Variants in PCDH15 observed in about 807,000 individuals in gnomAD.
The protein encoded by PCDH15 is protocadherin related 15.
In PCDH15, 129 loss-of-function variants were observed where a neutral mutation model predicts 178.5. The observed-to-expected ratio is 0.72, with a 90% CI of 0.63 to 0.84. The LOEUF is 0.84. Ranked by LOEUF, PCDH15 falls within the 40% of genes least tolerant of loss-of-function variation. PCDH15 has a pLI of 0.00. For missense variants in PCDH15, 2,230 were observed against 2,099.9 expected (o/e 1.06, Z -1.21); for synonymous variants, 800 against 732.0 (o/e 1.09, Z -1.50).
chr10:54,302,058 C>A (rs1485557167), intron 8 of PCDH15, among the ~76,000 whole-genome samples: 1 of 152,006 alleles, frequency 6.6e-6, no homozygotes, highest in Non-Finnish European at 1.5e-5. Context: ...AAATTCCCAT[C>A]AAAATCAACA....
At chr10:55,459,890 A>C (rs1839635850) in intron 2 of PCDH15, among the ~76,000 whole-genome samples, 1 of 152,092 alleles carries the variant, frequency 6.6e-6, no homozygotes. Flanking sequence ...ATATAACTAA[A>C]AAAAGAAAAT....
At position 54,410,878 on chromosome 10, in the gene PCDH15, C is replaced by T. The variant is rs562866301; in HGVS notation, c.158-31936G>A. Among the ~76,000 whole-genome samples, 71 of 110,584 alleles carry T rather than the reference C, an allele frequency of 6.4e-4. 1 individual carries two copies. In the South Asian group the frequency reaches 0.023, roughly 36 times the overall value. The allele number at this position is 110,584 out of a possible 152,430, so 72.5% of individuals were successfully genotyped here. On this transcript the variant is annotated intron_variant, in intron 3 of 37. Transcript: ENST00000644397. ...AAAAGAGAGAAGATAAGGACTCTGA[C>T]CGAGCTGGCATTGTTGAATAAGGGG...
rs556012529 is a variant in PCDH15 at position 54,545,574 on chromosome 10, G to A, written c.92-17697C>T. ...GGAGAGAAAGCAAGGAAGGAGGGAA[G>A]GAAGGAAGGAAGAGAAAGAAGACAA... On this transcript the variant is annotated intron_variant, in intron 2 of 37. Transcript: ENST00000644397. Among the ~76,000 whole-genome samples, 8 of 151,812 alleles carry A rather than the reference G, an allele frequency of 5.3e-5. 1 individual carries two copies. The highest frequency in any genetic ancestry group is 1.9e-4 in the African/African-American group (8 of 41,432).
chr10:54,153,066 A>G (rs778698911), intron 14 of PCDH15, 34 bp downstream of exon 14: 1 of 1,611,916 alleles, frequency 6.2e-7, no homozygotes, highest in East Asian at 2.2e-5. Flanking sequence ...AACGGGCCCG[A>G]TGAAAAGACT....
intron 2 of PCDH15, among the ~76,000 whole-genome samples, chr10:54,564,483 A>T (rs1326387701): frequency 6.6e-6 from 1 of 152,198 alleles, no homozygotes; most frequent in African/African-American, 2.4e-5. Context: ...GCTATCTCAA[A>T]TAAAATGTTC....
chr10:53,923,728 G>C (rs1248533945), intron 25 of PCDH15, among the ~76,000 whole-genome samples: 1 of 152,066 alleles, frequency 6.6e-6, no homozygotes, highest in Non-Finnish European at 1.5e-5. Context: ...AATTTTTCTG[G>C]AGTATCTGCA....
At chr10:54,698,674 A>G (rs1022810976) in intron 1 of PCDH15, among the ~76,000 whole-genome samples, 3 of 152,142 alleles carry the variant, frequency 2.0e-5, no homozygotes, top group Admixed American at 1.3e-4. Flanking sequence ...TATCACTTGT[A>G]AAATGAAGAT....
intron 1 of PCDH15, among the ~76,000 whole-genome samples, chr10:54,677,198 C>G (rs1041135912): frequency 4.6e-5 from 7 of 151,940 alleles, no homozygotes; most frequent in African/African-American, 1.7e-4. Flanking sequence ...GTAGCAAGAC[C>G]CAGTCTCTGC....
At chr10:53,823,237 G>A (rs1164349834) in intron 32 of PCDH15, 3 of 1,614,024 alleles carry the variant, frequency 1.9e-6, no homozygotes, top group African/African-American at 1.3e-5. Flanking sequence ...CCGTCTACAT[G>A]AGCTGACTTG....
chr10:54,051,939 G>A (rs1341258168), intron 18 of PCDH15, among the ~76,000 whole-genome samples: 1 of 152,198 alleles, frequency 6.6e-6, no homozygotes, highest in African/African-American at 2.4e-5. Flanking sequence ...TATAGGTCCA[G>A]GTGTTGCTTC....
chr10:55,196,744 A>C (rs1363366946), intron 1 of PCDH15, among the ~76,000 whole-genome samples: 2 of 152,048 alleles, frequency 1.3e-5, no homozygotes, highest in Non-Finnish European at 2.9e-5. Context: ...TATTTATGTA[A>C]AGAAAAATTT....
At chr10:54,661,159 C>T (rs146724767) in intron 2 of PCDH15, among the ~76,000 whole-genome samples, 1 of 151,994 alleles carries the variant, frequency 6.6e-6, no homozygotes, top group African/African-American at 2.4e-5. Context: ...ATATTTCCTC[C>T]AAAAGATTCT....
intron 2 of PCDH15, among the ~76,000 whole-genome samples, chr10:54,645,797 T>C (rs975667359): frequency 1.3e-5 from 2 of 152,120 alleles, no homozygotes; most frequent in African/African-American, 4.8e-5. Flanking sequence ...AAATTGAAAA[T>C]ATTATTATAA....
At chr10:54,240,707 C>CT (rs1175578031) in intron 8 of PCDH15, among the ~76,000 whole-genome samples, 1 of 142,926 alleles carries the variant, frequency 7.0e-6, no homozygotes, top group Non-Finnish European at 1.5e-5. Context: ...TCCCGGCTCA[C>CT]TGCAAGCTCC....
chr10:54,295,305 G>A (rs532731807), intron 8 of PCDH15, among the ~76,000 whole-genome samples: 49 of 152,164 alleles, frequency 3.2e-4, no homozygotes, highest in Non-Finnish European at 6.0e-4. Context: ...TCAATTCTCT[G>A]TAAAATGGAC....
chr10:54,860,217 G>A (rs1953815216), intron 3 of PCDH15, among the ~76,000 whole-genome samples: 1 of 152,040 alleles, frequency 6.6e-6, no homozygotes, highest in Admixed American at 6.6e-5. Context: ...GTGCATTGCT[G>A]AGGATTGTGG....
intron 8 of PCDH15, among the ~76,000 whole-genome samples, chr10:54,241,468 G>A (rs1398776989): frequency 6.6e-6 from 1 of 152,078 alleles, no homozygotes. Context: ...TATCTTATTT[G>A]TACTTACAAC....
intron 20 of PCDH15, among the ~76,000 whole-genome samples, chr10:54,008,910 G>A (rs943381699): frequency 2.0e-5 from 3 of 152,022 alleles, no homozygotes; most frequent in Admixed American, 2.0e-4. Context: ...TTTTTCATCT[G>A]CTTACATATT....
intron 2 of PCDH15, among the ~76,000 whole-genome samples, chr10:55,442,481 T>TATAATTACA (rs56220182): frequency 6.5e-5 from 8 of 123,076 alleles, no homozygotes; most frequent in Non-Finnish European, 1.3e-4. Context: ...TATATATATA[T>TATAATTACA]TATATATATA....
Sources: allele counts gnomAD v4.1 joint callset (sites outside exome capture counted in the v4.1 genomes callset), GRCh38; gene constraint gnomAD v4.1.1; transcripts MANE v1.5; gene names NCBI Gene and HGNC (gene_info 2026-07-23, HGNC 2026-07-21).